PLCB3: variants seen among roughly 807,000 people sequenced by gnomAD.
PLCB3 encodes the protein phospholipase C beta 3.
PLCB3 carries 54 observed loss-of-function variants against 152.1 expected under a neutral mutation model. That is an observed-to-expected ratio of 0.36 (90% confidence interval 0.29 to 0.45). PLCB3 has a LOEUF of 0.45. Among genes scored for constraint, PLCB3 ranks in the 20% least tolerant of loss-of-function variants. The pLI is 1.00. For missense variants in PLCB3, 1,248 were observed against 1,687.5 expected, an observed-to-expected ratio of 0.74 and a Z score of 4.56; for synonymous variants, 717 against 698.7, an observed-to-expected ratio of 1.03 and a Z score of -0.41.
intron 22 of PLCB3, among the ~76,000 whole-genome samples, chr11:64,264,700 G>A (rs537130436): frequency 6.6e-6 from 1 of 152,244 alleles, no homozygotes; most frequent in East Asian, 1.9e-4. Context: ...AGAACAATCT[G>A]GGAGTTACTG....
In PLCB3 at chr11:64,255,867, G is replaced by C; in HGVS notation, c.698+46G>C. On this transcript the variant is annotated intron_variant, in intron 8 of 30. Coordinates refer to ENST00000279230, the MANE Select transcript of PLCB3 (RefSeq NM_000932.5). The surrounding 1 kb of genome is among the most constrained non-coding windows in gnomAD (Gnocchi z 6.8). ...TCACAACCCCTGTGCTCTGTGTTTA[G>C]CTTCTGCTTAGCGTGCCTCTAGCTC... 1 of 1,399,724 alleles carries C rather than the reference G, an allele frequency of 7.1e-7. No individual in the cohort carries two copies. Among genetic ancestry groups the C allele is most frequent in the Non-Finnish European group, 1.0e-6 (1 of 985,138 alleles). 86.7% of individuals were successfully genotyped at this position (1,399,724 alleles called of 1,614,324 possible).
Position 64,262,448 on chromosome 11 carries a change from G to A in PLCB3, c.2080G>A (p.Gly694Arg), listed in dbSNP as rs746961549. 2.4e-4 allele frequency: 392 copies of A among 1,613,852 alleles called. No individual in the cohort carries two copies. The highest frequency in any genetic ancestry group is 3.0e-4 in the Non-Finnish European group (355 of 1,179,974). The change falls in exon 18 of 31, where the codon GGG (glycine) becomes AGG (arginine). Residue 694 changes from glycine (G) to arginine (R), a missense_variant. Physicochemically the swap from Gly to Arg is moderately radical, Grantham distance 125. Coordinates refer to ENST00000279230, the MANE Select transcript of PLCB3 (RefSeq NM_000932.5). Reference sequence around the variant, plus strand: ...CAACGCGGGCGTTTTTGAGTACAACGGGCGCAGCGGGTACCTGCTCAAGCC... The same window carrying A: ...CAACGCGGGCGTTTTTGAGTACAACAGGCGCAGCGGGTACCTGCTCAAGCC... The part of the protein sequence containing the change: ...QLNAGVFEYN[G>R]RSGYLLKPEF...
chr11:64,258,821 GTCCCGTAGACCTCA>G lies in PLCB3; in HGVS notation c.1254-63_1254-50del. 1 of 1,607,110 alleles carries G rather than the reference GTCCCGTAGACCTCA, an allele frequency of 6.2e-7. No homozygotes were observed. Among genetic ancestry groups the G allele is most frequent in the East Asian group, 2.2e-5 (1 of 44,764 alleles). On this transcript the variant is annotated intron_variant, in intron 11 of 30. Transcript: ENST00000279230. This position sits in a 1 kb window ranked among gnomAD's most constrained non-coding sequence, Gnocchi z 7.2. ...CAACCCTGCGAACGGCCACTGACAT[GTCCCGTAGACCTCA>G]GCTTCCTCTCTGGGGGAGGGATCTC... is the stretch of plus-strand genomic sequence containing the variant.
At position 64,255,109 on chromosome 11, in the gene PLCB3, C is replaced by G; in HGVS notation, c.387+71C>G. On this transcript the variant is annotated intron_variant, in intron 4 of 30. Transcript: ENST00000279230. The surrounding 1 kb of genome is among the most constrained non-coding windows in gnomAD (Gnocchi z 6.8). ...TGTGAGTCGGCCGTCACTTACCGAA[C>G]ACCTGCTGTGTTCTAGGCTGCTCTG... 1 of 1,553,704 alleles carries G rather than the reference C, an allele frequency of 6.4e-7. No homozygotes were observed. The highest frequency in any genetic ancestry group is 8.9e-7 in the Non-Finnish European group (1 of 1,129,142).
chr11:64,263,511 C>T lies in PLCB3; in HGVS notation c.2369C>T (p.Thr790Met), dbSNP rs1424867148. ...PFDFPKVVLP[T>M]LASLRIAAFE... ...TCTGGCCCACAGGTGGTGCTGCCCA[C>T]GCTGGCTTCACTTCGCATTGCAGCC... Residue 790 changes from threonine (T) to methionine (M), a missense_variant, in exon 20 of 31, where the codon ACG becomes ATG. Around this residue, in one of 6 missense-constraint regions of PLCB3, gnomAD observed 244 missense variants for 424.4 expected, o/e 0.57. Transcript: ENST00000279230. 1 of 1,558,336 alleles carries T rather than the reference C, an allele frequency of 6.4e-7. No homozygotes were observed. Among genetic ancestry groups the T allele is most frequent in the Non-Finnish European group, 8.7e-7 (1 of 1,151,202 alleles).
chr11:64,269,445 A>G (rs1295525867), downstream of PLCB3, among the ~76,000 whole-genome samples: 1 of 152,146 alleles, frequency 6.6e-6, no homozygotes, highest in Non-Finnish European at 1.5e-5. Context: ...GTTTCCAGCG[A>G]CCGCGCTGCT....
chr11:64,264,366 T>C (rs1163388971), intron 22 of PLCB3, among the ~76,000 whole-genome samples: 3 of 152,142 alleles, frequency 2.0e-5, no homozygotes, highest in Non-Finnish European at 4.4e-5. Flanking sequence ...ATCAGGGCAG[T>C]GCGAAGCCAC....
At chr11:64,254,649 CA>C in intron 2 of PLCB3, 98 bp from the exon 3 acceptor site, 1 of 1,426,038 alleles carries the variant, frequency 7.0e-7, no homozygotes, top group Non-Finnish European at 9.9e-7. Context: ...GGGCTATAGC[CA>C]GGGGCTGGCC....
chr11:64,262,134 C>T (rs2031884625), intron 17 of PLCB3, 58 bp downstream of exon 17: 1 of 1,605,128 alleles, frequency 6.2e-7, no homozygotes, highest in Non-Finnish European at 8.5e-7. Flanking sequence ...ACTTCTGACC[C>T]ACGATCCTGC....
At position 64,255,195 on chromosome 11, in the gene PLCB3, C is replaced by T. The variant is rs201173471; in HGVS notation, c.388-39C>T. 2.6e-6 allele frequency: 4 copies of T among 1,557,470 alleles called. No homozygotes were observed. Among genetic ancestry groups the T allele is most frequent in the Non-Finnish European group, 3.5e-6 (4 of 1,130,574 alleles). On this transcript the variant is annotated intron_variant, in intron 4 of 30. Coordinates refer to ENST00000279230, the MANE Select transcript of PLCB3 (RefSeq NM_000932.5). The surrounding 1 kb of genome is among the most constrained non-coding windows in gnomAD (Gnocchi z 6.8). ...GGTTGTGGCTGGGCAGCCCCTGTGT[C>T]CCCCACTCACCGCCTCCCCGTGTAT...
chr11:64,259,361 T>C (rs2031724688), intron 13 of PLCB3, 117 bp downstream of exon 13: 1 of 889,218 alleles, frequency 1.1e-6, no homozygotes, highest in Non-Finnish European at 1.7e-6. Flanking sequence ...GCTGTGCGCC[T>C]GTTCCCACAA....
chr11:64,252,565 G>T (rs1591097361), intron 1 of PLCB3, among the ~76,000 whole-genome samples: 1 of 152,330 alleles, frequency 6.6e-6, no homozygotes, highest in East Asian at 1.9e-4. Flanking sequence ...TTCCCAGTCA[G>T]GCCACGGGCC....
rs371707004 is a variant in PLCB3, at chr11:64,251,534, TGGCG to T, written c.-104_-101del. ...AGGCTCTGGTCGGTCCGGGACAGAC[TGGCG>T]GGCGGGCGGGCACTGACGCCGCGGG... On this transcript the variant is annotated 5_prime_UTR_variant, in exon 1 of 31. Coordinates refer to ENST00000279230, the MANE Select transcript of PLCB3 (RefSeq NM_000932.5). The T allele has an allele frequency of 0.18, 50,806 of 282,408 alleles. 4,943 individuals are homozygous for T. Among genetic ancestry groups the T allele is most frequent in the Admixed American group, 0.28 (5,079 of 17,932 alleles). The allele number at this position is 282,408 out of a possible 1,614,324, so 17.5% of individuals were successfully genotyped here. A position where few individuals can be genotyped will look rare whatever the true frequency, so the allele number is the denominator to read the frequency against.
Position 64,251,745 on chromosome 11 carries a change from C to A in PLCB3, c.96C>A (p.Asp32Glu). 1 of 1,450,034 alleles carries A rather than the reference C, an allele frequency of 6.9e-7. No individual in the cohort carries two copies. The highest frequency in any genetic ancestry group is 9.2e-7 in the Non-Finnish European group (1 of 1,092,430). 89.8% of individuals were successfully genotyped at this position (1,450,034 alleles called of 1,614,324 possible). The part of the protein sequence containing the change: ...LRRGSKFIKW[D>E]EETSSRNLVT... ...GCGGGAGTAAGTTCATCAAATGGGA[C>A]GAGGTAAGCGCGCGGGCCCCTGCTC... is the stretch of plus-strand genomic sequence containing the variant. The change falls in exon 1 of 31, where the codon GAC (aspartate) becomes GAA (glutamate). Residue 32 changes from aspartate (D) to glutamate (E), a missense_variant. Asp to Glu is a conservative substitution (Grantham distance 45, BLOSUM62 2). This residue lies in a region of PLCB3 where 299 missense variants were observed against 434.7 expected (regional missense o/e 0.69). Coordinates refer to ENST00000279230, the MANE Select transcript of PLCB3 (RefSeq NM_000932.5).
At chr11:64,261,834 GC>G (rs2031867789) in intron 16 of PLCB3, 117 bp from the exon 17 acceptor site, 2 of 1,511,620 alleles carry the variant, frequency 1.3e-6, no homozygotes, top group Non-Finnish European at 1.8e-6. Context: ...AGGGGGCATG[GC>G]TAGGCTAAGA....
chr11:64,264,098 A>G lies in PLCB3; in HGVS notation c.2638A>G (p.Ile880Val), dbSNP rs1320567116. The change falls in exon 22 of 31, where the codon ATT (isoleucine) becomes GTT (valine). Residue 880 changes from isoleucine to valine, a missense_variant. Ile to Val is a conservative substitution (Grantham distance 29). Coordinates refer to ENST00000279230, the MANE Select transcript of PLCB3 (RefSeq NM_000932.5). Reference sequence around the variant, plus strand: ...GAGGGCCCGGCAGCTGGCCGCCCTCATTGGGGAGAGTGAGGTGAGCCGGGG... The same window carrying G: ...GAGGGCCCGGCAGCTGGCCGCCCTCGTTGGGGAGAGTGAGGTGAGCCGGGG... ...DQRARQLAAL[I>V]GESEAQAGQE... 3.2e-6 allele frequency: 5 copies of G among 1,540,334 alleles called. No individual in the cohort carries two copies. The highest frequency in any genetic ancestry group is 4.4e-6 in the Non-Finnish European group (5 of 1,145,912).
chr11:64,263,422 G>T, intron 19 of PLCB3, 76 bp from the exon 20 acceptor site: 1 of 848,910 alleles, frequency 1.2e-6, no homozygotes, highest in Non-Finnish European at 1.9e-6. Flanking sequence ...AGCTTTGATG[G>T]CTGTGGTTAG....
rs563411880 is a variant in PLCB3 at position 64,258,739 on chromosome 11, C to T, written c.1253+26C>T. ...GTGAGTGAGCCCCTGGCATGAAACCCCATGGACCGGGGGACAGTCTTCCAG... is the reference window on the plus strand; with the variant it reads ...GTGAGTGAGCCCCTGGCATGAAACCTCATGGACCGGGGGACAGTCTTCCAG... On this transcript the variant is annotated intron_variant, in intron 11 of 30. Coordinates refer to ENST00000279230, the MANE Select transcript of PLCB3 (RefSeq NM_000932.5). The surrounding 1 kb of genome is among the most constrained non-coding windows in gnomAD (Gnocchi z 7.2). The T allele has an allele frequency of 1.3e-5, 21 of 1,612,306 alleles. No individual in the cohort carries two copies. In the Admixed American group the frequency reaches 3.0e-4, roughly 23 times the overall value.
chr11:64,255,376 C>T lies in PLCB3; in HGVS notation c.468-20C>T. On this transcript the variant is annotated intron_variant, in intron 5 of 30. Coordinates refer to ENST00000279230, the MANE Select transcript of PLCB3 (RefSeq NM_000932.5). The surrounding 1 kb of genome is among the most constrained non-coding windows in gnomAD (Gnocchi z 6.8). ...CACGTGGCCGTTTTCAGGGTGTGAC[C>T]TCTTCATCTGCCTTCCCAGATACAC... 1.9e-6 allele frequency: 3 copies of T among 1,614,086 alleles called. No homozygotes were observed. The highest frequency in any genetic ancestry group is 8.5e-7 in the Non-Finnish European group (1 of 1,179,990).
Sources: allele counts gnomAD v4.1 joint callset (sites outside exome capture counted in the v4.1 genomes callset), GRCh38; gene constraint gnomAD v4.1.1; regional missense constraint gnomAD v4.1.1; non-coding constraint Gnocchi (gnomAD v3.1); transcripts MANE v1.5; gene names NCBI Gene and HGNC (gene_info 2026-07-23, HGNC 2026-07-21).